Variants in OR1J2 observed in about 807,000 individuals in gnomAD.
OR1J2 encodes the protein olfactory receptor 1J2.
For missense variants in OR1J2, 304 were observed against 246.1 expected (o/e 1.24, Z -1.57); for synonymous variants, 142 against 99.7 (o/e 1.42, Z -2.52).
At chr9:122,469,231 T>G in the OR1J2 span, among the ~76,000 whole-genome samples, 11 of 152,234 alleles carry the variant, frequency 7.2e-5, no homozygotes, top group Admixed American at 3.9e-4. Flanking sequence ...AATCTCATCT[T>G]GAATTGTAGT....
At chr9:122,571,662 G>C in the OR1J2 span, among the ~76,000 whole-genome samples, 46 of 151,314 alleles carry the variant, frequency 3.0e-4, no homozygotes, top group Non-Finnish European at 5.6e-4. Context: ...GTTGCAGTGA[G>C]CCAAGATTGC....
the OR1J2 span, among the ~76,000 whole-genome samples, chr9:122,554,769 C>T: frequency 6.6e-6 from 1 of 151,622 alleles, no homozygotes; most frequent in African/African-American, 2.4e-5. Flanking sequence ...TTATGGTATT[C>T]CTTACTATTT....
the OR1J2 span, among the ~76,000 whole-genome samples, chr9:122,517,291 G>A: frequency 2.4e-3 from 371 of 152,300 alleles, 2 homozygotes; most frequent in African/African-American, 8.2e-3. Context: ...GCCCCAGGGA[G>A]CCTTAAAATG....
chr9:122,515,914 C>T (rs998630518), downstream of OR1J2, among the ~76,000 whole-genome samples: 1 of 152,098 alleles, frequency 6.6e-6, no homozygotes, highest in Non-Finnish European at 1.5e-5. Context: ...TAATTTTTGC[C>T]TGGTTTGCAC....
chr9:122,489,814 T>C, the OR1J2 span, among the ~76,000 whole-genome samples: 1 of 152,114 alleles, frequency 6.6e-6, no homozygotes, highest in Non-Finnish European at 1.5e-5. Flanking sequence ...AAAATACCCT[T>C]ACAGATACAT....
At chr9:122,526,637 A>G in the OR1J2 span, 1 of 1,614,162 alleles carries the variant, frequency 6.2e-7, no homozygotes, top group Non-Finnish European at 8.5e-7. Flanking sequence ...TAGCTGGCAC[A>G]ATGTGGATGT....
the OR1J2 span, among the ~76,000 whole-genome samples, chr9:122,468,502 T>C: frequency 6.6e-6 from 1 of 152,204 alleles, no homozygotes; most frequent in Non-Finnish European, 1.5e-5. Context: ...TGATAAATTC[T>C]CCAGTTCTAG....
At chr9:122,554,065 T>C in the OR1J2 span, 1 of 1,613,730 alleles carries the variant, frequency 6.2e-7, no homozygotes, top group Non-Finnish European at 8.5e-7. Flanking sequence ...ATGGTGATTA[T>C]TCCCACGCTA....
the OR1J2 span, among the ~76,000 whole-genome samples, chr9:122,529,399 GGAA>G: frequency 6.6e-6 from 1 of 152,152 alleles, no homozygotes; most frequent in African/African-American, 2.4e-5. Context: ...GTTATTTTAG[GGAA>G]GAGCAGCATC....
At chr9:122,535,953 G>T in the OR1J2 span, among the ~76,000 whole-genome samples, 1,474 of 152,282 alleles carry the variant, frequency 9.7e-3, 27 homozygotes, top group African/African-American at 0.034. Flanking sequence ...AAGGTGCTCA[G>T]TAGGGGAGCT....
chr9:122,500,614 G>A, the OR1J2 span, among the ~76,000 whole-genome samples: 8 of 152,194 alleles, frequency 5.3e-5, no homozygotes, highest in African/African-American at 1.7e-4. Context: ...TGCAAGGGAG[G>A]TCAAGGTCAT....
the OR1J2 span, among the ~76,000 whole-genome samples, chr9:122,456,259 C>T: frequency 5.3e-5 from 8 of 152,022 alleles, no homozygotes; most frequent in East Asian, 1.9e-4. Flanking sequence ...GGGCTATGTG[C>T]GCGCTCAGGA....
At chr9:122,539,802 C>A in the OR1J2 span, among the ~76,000 whole-genome samples, 20 of 152,154 alleles carry the variant, frequency 1.3e-4, 1 homozygote, top group Admixed American at 1.3e-3. Context: ...TTAATGATCG[C>A]CATTCTAATT....
the OR1J2 span, among the ~76,000 whole-genome samples, chr9:122,517,633 A>G: frequency 1.3e-5 from 2 of 152,174 alleles, no homozygotes; most frequent in Non-Finnish European, 1.5e-5. Context: ...GGAACTTTTC[A>G]ATTAAGACAC....
At chr9:122,496,821 G>A in the OR1J2 span, among the ~76,000 whole-genome samples, 2 of 152,298 alleles carry the variant, frequency 1.3e-5, no homozygotes, top group African/African-American at 4.8e-5. Flanking sequence ...TTATCTCAGT[G>A]AGCAGAGGGG....
the OR1J2 span, among the ~76,000 whole-genome samples, chr9:122,529,963 C>T: frequency 2.0e-5 from 3 of 152,158 alleles, no homozygotes; most frequent in Non-Finnish European, 4.4e-5. Flanking sequence ...TCAGATTCTT[C>T]CTGACAATCT....
the OR1J2 span, among the ~76,000 whole-genome samples, chr9:122,462,554 G>C: frequency 6.6e-6 from 1 of 152,128 alleles, no homozygotes; most frequent in Non-Finnish European, 1.5e-5. Context: ...CTATTCTGGT[G>C]TATTTTTATA....
chr9:122,453,528 A>G, the OR1J2 span, among the ~76,000 whole-genome samples: 269 of 152,310 alleles, frequency 1.8e-3, no homozygotes, highest in African/African-American at 5.9e-3. Flanking sequence ...AGTACACTAC[A>G]TGCATCTAAA....
the OR1J2 span, among the ~76,000 whole-genome samples, chr9:122,558,411 GT>G: frequency 5.2e-4 from 64 of 124,072 alleles, no homozygotes; most frequent in African/African-American, 1.9e-3. Flanking sequence ...TTACTTCTCT[GT>G]AAACCATAGC....
Sources: gnomAD v4.1 joint callset for allele counts (sites outside exome capture counted in the v4.1 genomes callset) on GRCh38, gnomAD v4.1.1 for gene constraint, MANE v1.5 for transcripts, NCBI Gene and HGNC (gene_info 2026-07-23, HGNC 2026-07-21) for gene names.